The following TG variants were observed in gnomAD, a reference collection of about 807,000 sequenced individuals.
TG encodes thyroglobulin, also known as thyroid hormones.
Under a neutral mutation model 324.7 loss-of-function variants are expected in TG, and 270 were observed. The ratio of observed to expected loss-of-function variants is 0.83; its 90% CI spans 0.75 to 0.92. TG has a LOEUF of 0.92. Ranked by LOEUF, TG falls within the 40% of genes least tolerant of loss-of-function variation. The pLI, the probability that TG is intolerant of heterozygous loss-of-function variation, is 0.00. For synonymous variants in TG, 1,401 were observed against 1,327.0 expected, an observed-to-expected ratio of 1.06 and a Z score of -1.21; for missense variants, 3,591 against 3,456.4, an observed-to-expected ratio of 1.04 and a Z score of -0.98.
rs754358762 is a variant in TG at position 132,934,040 on chromosome 8, A to G, written c.4932+364A>G. 3.6e-4 allele frequency among the ~76,000 whole-genome samples: 55 copies of G among 152,074 alleles called. 1 individual carries two copies. The highest frequency in any genetic ancestry group is 1.4e-3 in the Admixed American group (22 of 15,258). On this transcript the variant is annotated intron_variant, in intron 24 of 47. Coordinates refer to ENST00000220616, the MANE Select transcript of TG (RefSeq NM_003235.5). ...TGCCTTTCCATTGTAGAAATAAAAC[A>G]TAATCGTGGTTGGAGGGCACGGTGG...
At chr8:133,121,857 G>A (rs1185710462) in intron 45 of TG, among the ~76,000 whole-genome samples, 4 of 152,148 alleles carry the variant, frequency 2.6e-5, no homozygotes, top group African/African-American at 7.2e-5. Flanking sequence ...CATCACATAT[G>A]GTGCCATCTA....
At chr8:133,075,423 C>G (rs1844715756) in intron 41 of TG, among the ~76,000 whole-genome samples, 1 of 152,114 alleles carries the variant, frequency 6.6e-6, no homozygotes, top group Non-Finnish European at 1.5e-5. Context: ...TAAAGAGACA[C>G]AATGACTTGG....
At chr8:133,066,125 C>A (rs1005471225) in intron 41 of TG, among the ~76,000 whole-genome samples, 1 of 152,140 alleles carries the variant, frequency 6.6e-6, no homozygotes, top group East Asian at 1.9e-4. Flanking sequence ...AGATCGAGAC[C>A]ATCCTGGCTG....
At chr8:133,113,757 C>T (rs867460181) in intron 44 of TG, 154 bp downstream of exon 44, 4 of 906,158 alleles carry the variant, frequency 4.4e-6, no homozygotes, top group African/African-American at 1.7e-5. Context: ...TGGGGAGTGT[C>T]CCTGCTGAGG....
At chr8:133,104,643 G>A (rs576631488) in intron 43 of TG, among the ~76,000 whole-genome samples, 12 of 152,320 alleles carry the variant, frequency 7.9e-5, no homozygotes, top group African/African-American at 2.6e-4. Context: ...GGAAGCAAAA[G>A]TCAAATGTCA....
intron 21 of TG, 98 bp downstream of exon 21, chr8:132,919,623 G>C: frequency 6.5e-7 from 1 of 1,545,782 alleles, no homozygotes; most frequent in East Asian, 2.2e-5. Context: ...TTTTGGGACA[G>C]ATAATTCTTT....
At chr8:133,083,568 C>T (rs1040972289) in intron 41 of TG, among the ~76,000 whole-genome samples, 1 of 152,136 alleles carries the variant, frequency 6.6e-6, no homozygotes, top group Non-Finnish European at 1.5e-5. Flanking sequence ...AAACATAGCA[C>T]ATACCCATTT....
At chr8:132,959,141 AGTCTTTTT>A (rs1827389851) in intron 27 of TG, among the ~76,000 whole-genome samples, 1 of 152,236 alleles carries the variant, frequency 6.6e-6, no homozygotes, top group Admixed American at 6.5e-5. Flanking sequence ...AGTGCAACTC[AGTCTTTTT>A]GTCTCACCTT....
intron 41 of TG, among the ~76,000 whole-genome samples, chr8:133,062,085 G>C (rs1416836417): frequency 6.6e-6 from 1 of 152,150 alleles, no homozygotes; most frequent in Admixed American, 6.5e-5. Flanking sequence ...TGGCTAGAAC[G>C]GGCAGCATGT....
At chr8:132,872,828 A>G (rs1204700497) in intron 4 of TG, among the ~76,000 whole-genome samples, 1 of 152,186 alleles carries the variant, frequency 6.6e-6, no homozygotes. Flanking sequence ...CATGCTGTAT[A>G]GGTTTGTAGC....
intron 41 of TG, among the ~76,000 whole-genome samples, chr8:133,043,521 G>A (rs1218531776): frequency 6.6e-6 from 1 of 152,196 alleles, no homozygotes; most frequent in Middle Eastern, 3.2e-3. Flanking sequence ...GACAGGCTAT[G>A]CTGAACGCAC....
At chr8:133,095,855 G>A (rs1848322704) in intron 42 of TG, among the ~76,000 whole-genome samples, 1 of 152,202 alleles carries the variant, frequency 6.6e-6, no homozygotes, top group African/African-American at 2.4e-5. Flanking sequence ...GATCATAGCT[G>A]GAGCTGGTGA....
chr8:132,989,561 A>G (rs1832046178), intron 35 of TG, among the ~76,000 whole-genome samples: 2 of 152,166 alleles, frequency 1.3e-5, no homozygotes, highest in South Asian at 4.1e-4. Flanking sequence ...TCCTGACCTC[A>G]TCCTGGAGCT....
At chr8:133,124,369 G>C (rs529121225) in intron 45 of TG, among the ~76,000 whole-genome samples, 1 of 152,328 alleles carries the variant, frequency 6.6e-6, no homozygotes, top group African/African-American at 2.4e-5. Context: ...TGGGGGCTGG[G>C]GTATGGCTCT....
At chr8:132,965,897 G>A (rs1283498699) in intron 29 of TG, among the ~76,000 whole-genome samples, 1 of 152,228 alleles carries the variant, frequency 6.6e-6, no homozygotes, top group Non-Finnish European at 1.5e-5. Flanking sequence ...CCCAGATTAA[G>A]AAAAGAATCT....
At position 132,893,010 on chromosome 8, in the gene TG, TGTG is replaced by T. The variant is rs751262381; in HGVS notation, c.2762-679_2762-677del. ...GTGTGTATGGTGTGTATGTGGGTGG[TGTG>T]TGTGTGTGTGGTATGTGTGTATGGT... On this transcript the variant is annotated intron_variant, in intron 10 of 47. Transcript: ENST00000220616. Among the ~76,000 whole-genome samples, 47 of 136,328 alleles carry T rather than the reference TGTG, an allele frequency of 3.4e-4. No homozygotes were observed. In the South Asian group the frequency reaches 4.2e-3, roughly 12 times the overall value. The allele number at this position is 136,328 out of a possible 152,430, so 89.4% of individuals were successfully genotyped here. A position where few individuals can be genotyped will look rare whatever the true frequency, so the allele number is the denominator to read the frequency against.
rs545249608 is a variant in TG at position 133,030,313 on chromosome 8, C to G, written c.7239+290C>G. 4.8e-4 allele frequency among the ~76,000 whole-genome samples: 73 copies of G among 152,324 alleles called. 1 individual carries two copies. The highest frequency in any genetic ancestry group is 1.4e-3 in the African/African-American group (57 of 41,574). On this transcript the variant is annotated intron_variant, in intron 41 of 47. Coordinates refer to ENST00000220616, the MANE Select transcript of TG (RefSeq NM_003235.5). ...TTTAGTGATCTGAACCATCAATTAT[C>G]TCTCTTGTCAATGCATGATGGTAAA...
chr8:133,120,011 C>A (rs1851014327), intron 45 of TG, among the ~76,000 whole-genome samples: 1 of 152,142 alleles, frequency 6.6e-6, no homozygotes, highest in Non-Finnish European at 1.5e-5. Context: ...AAGGTGCCCT[C>A]CTAATCCAGT....
chr8:132,982,199 A>G (rs1314422928), intron 34 of TG, among the ~76,000 whole-genome samples: 1 of 152,160 alleles, frequency 6.6e-6, no homozygotes, highest in Non-Finnish European at 1.5e-5. Context: ...GAAACTGAGG[A>G]CAGAGAGGTT....
Sources: gnomAD v4.1 joint callset for allele counts (sites outside exome capture counted in the v4.1 genomes callset) on GRCh38, gnomAD v4.1.1 for gene constraint, MANE v1.5 for transcripts, NCBI Gene and HGNC (gene_info 2026-07-23, HGNC 2026-07-21) for gene names.